MAPK14: variants seen among roughly 807,000 people sequenced by gnomAD.
MAPK14 encodes mitogen-activated protein kinase 14, also known as CSAID-binding protein.
MAPK14 carries 16 observed loss-of-function variants against 49.6 expected under a neutral mutation model. That is an observed-to-expected ratio of 0.32 (90% CI 0.22 to 0.49). MAPK14 has a LOEUF of 0.49. MAPK14 is among the 20% of genes least tolerant of loss of function. The pLI is 0.99. For missense variants in MAPK14, 200 were observed against 441.2 expected, an observed-to-expected ratio of 0.45 and a Z score of 4.90; for synonymous variants, 142 against 158.0, an observed-to-expected ratio of 0.90 and a Z score of 0.76.
chr6:36,117,293 A>G, the MAPK14 span, among the ~76,000 whole-genome samples: 1 of 152,240 alleles, frequency 6.6e-6, no homozygotes, highest in Non-Finnish European at 1.5e-5. Context: ...GAAGATGAGC[A>G]TGCTTCCCTC....
At chr6:36,093,732 A>C (rs942741128) in intron 8 of MAPK14, among the ~76,000 whole-genome samples, 2 of 151,562 alleles carry the variant, frequency 1.3e-5, no homozygotes, top group South Asian at 2.1e-4. Flanking sequence ...AAAAAAAAAA[A>C]AAAAAAAAAA....
chr6:36,059,049 C>G (rs1463552955), intron 2 of MAPK14, among the ~76,000 whole-genome samples: 1 of 152,096 alleles, frequency 6.6e-6, no homozygotes, highest in Non-Finnish European at 1.5e-5. Context: ...GCCACCACAC[C>G]TGGCTAATGT....
chr6:36,086,705 A>G (rs1466584969), intron 8 of MAPK14, among the ~76,000 whole-genome samples: 1 of 152,224 alleles, frequency 6.6e-6, no homozygotes, highest in Non-Finnish European at 1.5e-5. Context: ...GCCAAATTCT[A>G]CCAGAGGTAC....
intron 1 of MAPK14, among the ~76,000 whole-genome samples, chr6:36,043,785 T>G (rs56060712): frequency 6.6e-6 from 1 of 151,222 alleles, no homozygotes; most frequent in African/African-American, 2.4e-5. Flanking sequence ...TTTATAGATA[T>G]TCTTTTTTCT....
chr6:36,104,114 G>A (rs1446043809), intron 10 of MAPK14, among the ~76,000 whole-genome samples: 3 of 152,174 alleles, frequency 2.0e-5, no homozygotes, highest in African/African-American at 7.2e-5. Flanking sequence ...GCTCTTTGAA[G>A]TTTTGGGCAG....
At position 36,027,842 on chromosome 6, in the gene MAPK14, G is replaced by C. The variant is rs1350310551; in HGVS notation, c.-316G>C. 10 of 401,944 alleles carry C rather than the reference G, an allele frequency of 2.5e-5. No homozygotes were observed. Among genetic ancestry groups the C allele is most frequent in the South Asian group, 1.2e-4 (1 of 8,394 alleles). 24.9% of individuals were successfully genotyped at this position (401,944 alleles called of 1,614,324 possible). A position where few individuals can be genotyped will look rare whatever the true frequency, so the allele number is the denominator to read the frequency against. On this transcript the variant is annotated 5_prime_UTR_variant, in exon 1 of 12. Transcript: ENST00000229794. ...TTAGCGGGCGCAGCAGCTGGAACGGGAGTACTGCGACGCAGCCCGGAGTCG... is the reference window on the plus strand; with the variant it reads ...TTAGCGGGCGCAGCAGCTGGAACGGCAGTACTGCGACGCAGCCCGGAGTCG...
chr6:36,063,021 A>G (rs1201421395), intron 3 of MAPK14, among the ~76,000 whole-genome samples: 1 of 152,134 alleles, frequency 6.6e-6, no homozygotes, highest in East Asian at 1.9e-4. Context: ...TAGCACTTTT[A>G]ATTTATATAC....
chr6:36,051,995 G>C (rs1763417709), intron 1 of MAPK14, among the ~76,000 whole-genome samples: 1 of 151,914 alleles, frequency 6.6e-6, no homozygotes, highest in South Asian at 2.1e-4. Context: ...AGCCATCCTA[G>C]CTAAAGTGGT....
intron 9 of MAPK14, 88 bp downstream of exon 9, chr6:36,096,154 G>A: frequency 4.5e-6 from 4 of 897,366 alleles, no homozygotes; most frequent in South Asian, 1.4e-5. Flanking sequence ...GGGTGTGTTT[G>A]TAAGCACACA....
At chr6:36,074,576 T>C (rs1764442694) in intron 6 of MAPK14, among the ~76,000 whole-genome samples, 1 of 152,182 alleles carries the variant, frequency 6.6e-6, no homozygotes. Flanking sequence ...GGCAAAATTA[T>C]ATATCCACTT....
At chr6:36,064,390 A>G (rs1456570765) in intron 3 of MAPK14, among the ~76,000 whole-genome samples, 2 of 151,672 alleles carry the variant, frequency 1.3e-5, no homozygotes, top group African/African-American at 4.8e-5. Flanking sequence ...AATTGTCATG[A>G]GTTAAGTGGA....
intron 2 of MAPK14, among the ~76,000 whole-genome samples, chr6:36,053,693 T>A (rs776711979): frequency 3.3e-5 from 5 of 152,200 alleles, no homozygotes; most frequent in Non-Finnish European, 7.4e-5. Context: ...GGAAGAAAAT[T>A]CAAAATCTGT....
rs202019234 is a variant in MAPK14, at chr6:36,110,227, A to G, written c.*1780A>G. On this transcript the variant is annotated 3_prime_UTR_variant, in exon 12 of 12. Transcript: ENST00000229794. ...TGGGCCAAGGTGTTTCCATTTCTCA[A>G]TCAGTGCAGTGATACATGTACTCCA... The G allele has an allele frequency of 3.3e-5, 5 of 152,252 alleles. No homozygotes were observed. Among genetic ancestry groups the G allele is most frequent in the Admixed American group, 6.5e-5 (1 of 15,280 alleles). 9.4% of individuals were successfully genotyped at this position (152,252 alleles called of 1,614,324 possible). A position where few individuals can be genotyped will look rare whatever the true frequency, so the allele number is the denominator to read the frequency against.
At chr6:36,070,627 G>A (rs924369407) in intron 3 of MAPK14, among the ~76,000 whole-genome samples, 61 of 152,236 alleles carry the variant, frequency 4.0e-4, no homozygotes, top group African/African-American at 1.2e-3. Context: ...CCTCAAGGCC[G>A]TATAAACATG....
At chr6:36,064,933 C>G (rs1763985369) in intron 3 of MAPK14, among the ~76,000 whole-genome samples, 1 of 152,206 alleles carries the variant, frequency 6.6e-6, no homozygotes, top group Admixed American at 6.5e-5. Flanking sequence ...TCTTTCCACT[C>G]TGTCTCCACC....
At chr6:36,031,942 T>TTTTA (rs967656323) in intron 1 of MAPK14, among the ~76,000 whole-genome samples, 1 of 152,032 alleles carries the variant, frequency 6.6e-6, no homozygotes, top group Non-Finnish European at 1.5e-5. Context: ...CCGAATTTTA[T>TTTTA]TTTATTTATT....
At chr6:36,030,890 C>A (rs1424236342) in intron 1 of MAPK14, among the ~76,000 whole-genome samples, 2 of 152,064 alleles carry the variant, frequency 1.3e-5, no homozygotes, top group Non-Finnish European at 2.9e-5. Context: ...AAAGAAAATA[C>A]AACTGAAACT....
intron 8 of MAPK14, among the ~76,000 whole-genome samples, chr6:36,077,515 T>G (rs1764579726): frequency 6.6e-6 from 1 of 152,136 alleles, no homozygotes; most frequent in Non-Finnish European, 1.5e-5. Context: ...ATAAACTAAT[T>G]GAGTTTATAA....
intron 10 of MAPK14, among the ~76,000 whole-genome samples, chr6:36,106,709 T>C (rs1345634178): frequency 6.6e-6 from 1 of 152,200 alleles, no homozygotes; most frequent in Non-Finnish European, 1.5e-5. Flanking sequence ...GCTAGGCATA[T>C]GAGTGTTCAC....
Sources: allele counts gnomAD v4.1 joint callset (sites outside exome capture counted in the v4.1 genomes callset), GRCh38; gene constraint gnomAD v4.1.1; transcripts MANE v1.5; gene names NCBI Gene and HGNC (gene_info 2026-07-23, HGNC 2026-07-21).